The following GABRA2 variants were observed in gnomAD, a reference collection of about 807,000 sequenced individuals.
The protein encoded by GABRA2 is gamma-aminobutyric acid type A receptor subunit alpha2, also known as gamma-aminobutyric acid receptor subunit alpha-2.
A neutral mutation model predicts 48.7 loss-of-function variants in GABRA2; 16 were observed. The ratio of observed to expected loss-of-function variants is 0.33; its 90% CI spans 0.22 to 0.50. The LOEUF is 0.50. GABRA2 is among the 20% of genes least tolerant of loss of function. The pLI is 0.98. For missense variants in GABRA2, 275 were observed against 535.6 expected, an observed-to-expected ratio of 0.51 and a Z score of 4.80; for synonymous variants, 185 against 184.5, an observed-to-expected ratio of 1.00 and a Z score of -0.02.
chr4:46,246,342 T>C lies in GABRA2; in HGVS notation c.*3966A>G, dbSNP rs1369596607. Among the ~76,000 whole-genome samples, 1 of 151,070 alleles carries C rather than the reference T, an allele frequency of 6.6e-6. No individual in the cohort carries two copies. The highest frequency in any genetic ancestry group is 1.5e-5 in the Non-Finnish European group (1 of 67,424). On this transcript the variant is annotated 3_prime_UTR_variant, in exon 10 of 10. Transcript: ENST00000381620. ...ATGGATATTAAATAATTATGTTAAA[T>C]ATTTACTTTAATTTTTAGAGCATGA...
At chr4:46,346,031 A>T (rs1346387989) in intron 3 of GABRA2, among the ~76,000 whole-genome samples, 2 of 151,920 alleles carry the variant, frequency 1.3e-5, no homozygotes, top group Middle Eastern at 3.2e-3. Flanking sequence ...TCACGCACAC[A>T]TTTTAAGATG....
In GABRA2 at chr4:46,293,428, T is replaced by A. The variant is rs575463529; in HGVS notation, c.856+10032A>T. ...GCAAATAATCAGACATTTCAGGGAC[T>A]ACTGGACACTGGCTCTGAGTTGACG... On this transcript the variant is annotated intron_variant, in intron 8 of 9. Transcript: ENST00000381620. 1.6e-4 allele frequency among the ~76,000 whole-genome samples: 25 copies of A among 152,314 alleles called. No individual in the cohort carries two copies. In the East Asian group the frequency reaches 4.6e-3, roughly 28 times the overall value.
intron 3 of GABRA2, among the ~76,000 whole-genome samples, chr4:46,373,260 T>G (rs1350444701): frequency 6.6e-6 from 1 of 152,168 alleles, no homozygotes; most frequent in Non-Finnish European, 1.5e-5. Context: ...TTTCACAGAT[T>G]GTAATGTAAA....
intron 4 of GABRA2, among the ~76,000 whole-genome samples, chr4:46,329,732 T>C (rs926990550): frequency 3.9e-5 from 6 of 152,142 alleles, no homozygotes; most frequent in Non-Finnish European, 5.9e-5. Context: ...TATCAGATTT[T>C]CCCTGTGATG....
At chr4:46,274,507 A>G (rs1720102952) in intron 8 of GABRA2, among the ~76,000 whole-genome samples, 1 of 152,120 alleles carries the variant, frequency 6.6e-6, no homozygotes, top group Non-Finnish European at 1.5e-5. Context: ...GGCTATACAT[A>G]GAGAAAAATG....
chr4:46,343,974 T>C (rs1339245306), intron 3 of GABRA2, among the ~76,000 whole-genome samples: 2 of 151,894 alleles, frequency 1.3e-5, no homozygotes, highest in Non-Finnish European at 2.9e-5. Context: ...CCTCACTGGG[T>C]TCCTGTGAGG....
At chr4:46,263,944 CTCTCTATT>C (rs1212088442) in intron 8 of GABRA2, among the ~76,000 whole-genome samples, 34 of 147,738 alleles carry the variant, frequency 2.3e-4, no homozygotes, top group Non-Finnish European at 4.5e-4. Context: ...CTCTCTCTCT[CTCTCTATT>C]TCTCTATAAT....
Position 46,250,262 on chromosome 4 carries a change from C to A in GABRA2, c.*46G>T. The A allele has an allele frequency of 6.5e-7, 1 of 1,535,862 alleles. No homozygotes were observed. Among genetic ancestry groups the A allele is most frequent in the Middle Eastern group, 1.8e-4 (1 of 5,632 alleles). ...TCAGACTGTACATAGCAAAACAAACCAAATTTAATGTTGCTATACATCCCA... is the reference window on the plus strand; with the variant it reads ...TCAGACTGTACATAGCAAAACAAACAAAATTTAATGTTGCTATACATCCCA... On this transcript the variant is annotated 3_prime_UTR_variant, in exon 10 of 10. Coordinates refer to ENST00000381620, the MANE Select transcript of GABRA2 (RefSeq NM_000807.4).
Position 46,266,366 on chromosome 4 carries a change from A to T in GABRA2, c.857-4238T>A, listed in dbSNP as rs1008831985. 1.1e-4 allele frequency among the ~76,000 whole-genome samples: 16 copies of T among 148,454 alleles called. No individual in the cohort carries two copies. The South Asian group carries it at 1.3e-3, about 12-fold the overall frequency. On this transcript the variant is annotated intron_variant, in intron 8 of 9. Coordinates refer to ENST00000381620, the MANE Select transcript of GABRA2 (RefSeq NM_000807.4). ...AAATTTAAATATAAATATAAAATAAATTTTATATTTACTTTTTAATATTTT... is the reference window on the plus strand; with the variant it reads ...AAATTTAAATATAAATATAAAATAATTTTTATATTTACTTTTTAATATTTT...
rs1444432261 is a variant in GABRA2 at position 46,246,013 on chromosome 4, AATATTT to A, written c.*4289_*4294del. On this transcript the variant is annotated 3_prime_UTR_variant, in exon 10 of 10. Coordinates refer to ENST00000381620, the MANE Select transcript of GABRA2 (RefSeq NM_000807.4). Reference sequence around the variant, plus strand: ...GCAAAAAAACAAAATTATGATATATAATATTTATAAGTAGATATTGAATAATTTACC... The same window carrying A: ...GCAAAAAAACAAAATTATGATATATAATAAGTAGATATTGAATAATTTACC... Among the ~76,000 whole-genome samples, 2 of 151,190 alleles carry A rather than the reference AATATTT, an allele frequency of 1.3e-5. No homozygotes were observed. The highest frequency in any genetic ancestry group is 4.8e-5 in the African/African-American group (2 of 41,336).
intron 8 of GABRA2, among the ~76,000 whole-genome samples, chr4:46,274,111 G>A (rs1008124015): frequency 6.6e-6 from 1 of 152,120 alleles, no homozygotes; most frequent in African/African-American, 2.4e-5. Flanking sequence ...ATCTCTGACA[G>A]AAGGATTGCT....
chr4:46,283,905 A>G (rs754252652), intron 8 of GABRA2, among the ~76,000 whole-genome samples: 3,902 of 151,852 alleles, frequency 0.026, 63 homozygotes, highest in Middle Eastern at 0.061. Context: ...GACTACAGGC[A>G]CCCGCCACCA....
At chr4:46,252,062 A>G (rs1714878312) in intron 9 of GABRA2, among the ~76,000 whole-genome samples, 1 of 151,332 alleles carries the variant, frequency 6.6e-6, no homozygotes, top group African/African-American at 2.4e-5. Flanking sequence ...TCATATTTTG[A>G]CTCTTATTTA....
In GABRA2 at chr4:46,261,925, C is replaced by T. The variant is rs1717069398; in HGVS notation, c.1059+1G>A. 1.2e-6 allele frequency: 2 copies of T among 1,611,786 alleles called. No individual in the cohort carries two copies. Among genetic ancestry groups the T allele is most frequent in the African/African-American group, 2.7e-5 (2 of 74,832 alleles). On this transcript the variant is annotated splice_donor_variant, in intron 9 of 9. Coordinates refer to ENST00000381620, the MANE Select transcript of GABRA2 (RefSeq NM_000807.4). LOFTEE classifies it high-confidence loss of function. The stretch of plus-strand genomic sequence containing the variant: ...ATGATAACACGGAAGCTCTCACTTA[C>T]CTTGTCATTTACTACACTCTTCCCA...
At chr4:46,302,951 C>T (rs1478732055) in intron 8 of GABRA2, among the ~76,000 whole-genome samples, 1 of 152,170 alleles carries the variant, frequency 6.6e-6, no homozygotes. Flanking sequence ...AACTTTCTTC[C>T]TTCAGCCCCT....
chr4:46,317,019 T>G (rs1189863924), intron 4 of GABRA2, among the ~76,000 whole-genome samples: 1 of 151,892 alleles, frequency 6.6e-6, no homozygotes, highest in Non-Finnish European at 1.5e-5. Flanking sequence ...CAACTCTCAG[T>G]GAGAGGGCAC....
At chr4:46,381,969 T>C (rs1312666818) in intron 3 of GABRA2, among the ~76,000 whole-genome samples, 4 of 152,042 alleles carry the variant, frequency 2.6e-5, no homozygotes, top group Non-Finnish European at 1.5e-5. Context: ...AAAAATGAAA[T>C]CAACTAATAA....
chr4:46,368,931 G>A (rs1393917574), intron 3 of GABRA2: 1 of 693,116 alleles, frequency 1.4e-6, no homozygotes, highest in Admixed American at 2.0e-5. Flanking sequence ...TGCCCATGGA[G>A]AGCATTTGAG....
intron 8 of GABRA2, among the ~76,000 whole-genome samples, chr4:46,292,823 C>A (rs1332066826): frequency 6.6e-6 from 1 of 152,110 alleles, no homozygotes; most frequent in Non-Finnish European, 1.5e-5. Context: ...TACCCTTGAC[C>A]AATGCTTTGC....
Sources: allele counts gnomAD v4.1 joint callset (sites outside exome capture counted in the v4.1 genomes callset), GRCh38; gene constraint gnomAD v4.1.1; transcripts MANE v1.5; gene names NCBI Gene and HGNC (gene_info 2026-07-23, HGNC 2026-07-21).